The following TPST1 variants were observed in gnomAD, a reference collection of about 807,000 sequenced individuals.
TPST1 encodes the protein protein-tyrosine sulfotransferase 1.
TPST1 carries 20 observed loss-of-function variants against 34.8 expected under a neutral mutation model. The observed-to-expected ratio is 0.57, with a 90% CI of 0.40 to 0.84. The LOEUF (loss-of-function observed/expected upper bound fraction) is 0.84. Ranked by LOEUF, TPST1 falls within the 40% of genes least tolerant of loss-of-function variation. The pLI is 0.00. For missense variants in TPST1, 353 were observed against 455.5 expected (o/e 0.78, Z 2.05); for synonymous variants, 152 against 159.4 (o/e 0.95, Z 0.35).
chr7:66,314,272 T>A (rs910906606), intron 3 of TPST1, among the ~76,000 whole-genome samples: 1 of 152,226 alleles, frequency 6.6e-6, no homozygotes, highest in African/African-American at 2.4e-5. Context: ...CTGTGGCTCA[T>A]GCCTATGATC....
At chr7:66,233,063 A>G (rs1473317616) in intron 1 of TPST1, among the ~76,000 whole-genome samples, 2 of 151,762 alleles carry the variant, frequency 1.3e-5, no homozygotes, top group Non-Finnish European at 2.9e-5. Flanking sequence ...TTATCTTTTT[A>G]TTGTTGAATT....
rs1476111042 is a variant in TPST1, at chr7:66,205,537, G to A, written c.-102+15G>A. The A allele has an allele frequency of 5.9e-5, 9 of 152,528 alleles. No individual in the cohort carries two copies. The highest frequency in any genetic ancestry group is 1.5e-5 in the Non-Finnish European group (1 of 68,324). 9.4% of individuals were successfully genotyped at this position (152,528 alleles called of 1,614,324 possible). ...ACTCATCCCAGGTAAGGGGGACGCG[G>A]CGCTCGCTGCGGCTCCGCTCCCCTC... On this transcript the variant is annotated intron_variant, in intron 1 of 5. Transcript: ENST00000304842. This position sits in a 1 kb window ranked among gnomAD's most constrained non-coding sequence, Gnocchi z 5.0.
At chr7:66,349,852 G>T (rs1235477806) in intron 3 of TPST1, among the ~76,000 whole-genome samples, 1 of 152,138 alleles carries the variant, frequency 6.6e-6, no homozygotes, top group Non-Finnish European at 1.5e-5. Flanking sequence ...AAACATTCTA[G>T]TAGCTTCAGC....
At chr7:66,356,745 CT>C in intron 4 of TPST1, 79 bp from the exon 5 acceptor site, 1 of 1,559,242 alleles carries the variant, frequency 6.4e-7, no homozygotes, top group Non-Finnish European at 8.8e-7. Context: ...CGGGCCACCC[CT>C]CATGTTTCAG....
Position 66,359,902 on chromosome 7 carries a change from T to G in TPST1, c.*37T>G. 1 of 456,688 alleles carries G rather than the reference T, an allele frequency of 2.2e-6. No homozygotes were observed. The highest frequency in any genetic ancestry group is 4.4e-6 in the Non-Finnish European group (1 of 226,960). 28.3% of individuals were successfully genotyped at this position (456,688 alleles called of 1,614,324 possible). On this transcript the variant is annotated 3_prime_UTR_variant, in exon 6 of 6. Transcript: ENST00000304842. ...TCTGTTTGTTCGCCCTAGGAAAGAT[T>G]GCTGCCTTTTCAGCAGAAGGGAAAT...
At chr7:66,265,836 G>A (rs763760590) in intron 2 of TPST1, among the ~76,000 whole-genome samples, 9 of 152,142 alleles carry the variant, frequency 5.9e-5, no homozygotes, top group Non-Finnish European at 8.8e-5. Flanking sequence ...GAAGGCAATG[G>A]GTTGATGTAC....
intron 3 of TPST1, among the ~76,000 whole-genome samples, chr7:66,327,671 C>T (rs867244025): frequency 4.6e-4 from 70 of 150,592 alleles, no homozygotes; most frequent in African/African-American, 9.5e-4. Context: ...TGCAGTGAGC[C>T]GTGATTGTGC....
intron 3 of TPST1, among the ~76,000 whole-genome samples, chr7:66,319,578 T>C (rs1379787813): frequency 6.6e-6 from 1 of 152,228 alleles, no homozygotes; most frequent in East Asian, 1.9e-4. Flanking sequence ...TCAAAGTAGC[T>C]GAATTTGATA....
chr7:66,245,920 G>A (rs146310574), intron 2 of TPST1, among the ~76,000 whole-genome samples: 2 of 152,198 alleles, frequency 1.3e-5, no homozygotes, highest in Non-Finnish European at 2.9e-5. Context: ...TTTTCATGAA[G>A]CTATCAGAGA....
intron 1 of TPST1, among the ~76,000 whole-genome samples, chr7:66,206,165 C>T (rs1239836399): frequency 6.8e-6 from 1 of 147,414 alleles, no homozygotes; most frequent in Non-Finnish European, 1.5e-5. Context: ...CTCTATGTTG[C>T]CCAGGCTGGC....
In TPST1 at chr7:66,282,695, G is replaced by C. The variant is rs867006142; in HGVS notation, c.846-3816G>C. Reference sequence around the variant, plus strand: ...TGGAAAGAGGGAAAAGTGAAGCCCAGAGAGCTGATGCGGGACTAAGAGGCA... The same window carrying C: ...TGGAAAGAGGGAAAAGTGAAGCCCACAGAGCTGATGCGGGACTAAGAGGCA... On this transcript the variant is annotated intron_variant, in intron 2 of 5. Transcript: ENST00000304842. Among the ~76,000 whole-genome samples, 6 of 152,210 alleles carry C rather than the reference G, an allele frequency of 3.9e-5. No homozygotes were observed. In the South Asian group the frequency reaches 1.2e-3, roughly 31 times the overall value.
chr7:66,300,125 G>A (rs1320525114), intron 3 of TPST1, among the ~76,000 whole-genome samples: 2 of 152,168 alleles, frequency 1.3e-5, no homozygotes, highest in South Asian at 2.1e-4. Context: ...CATTTTGCTG[G>A]TGGAGACTCT....
At chr7:66,336,627 C>T (rs10272408) in intron 3 of TPST1, among the ~76,000 whole-genome samples, 5,990 of 152,120 alleles carry the variant, frequency 0.039, 386 homozygotes, top group African/African-American at 0.14. Context: ...AGCAGACTAA[C>T]CTCTGCATAA....
Position 66,360,227 on chromosome 7 carries a change from T to C in TPST1, c.*362T>C, listed in dbSNP as rs2116423444. On this transcript the variant is annotated 3_prime_UTR_variant, in exon 6 of 6. Coordinates refer to ENST00000304842, the MANE Select transcript of TPST1 (RefSeq NM_003596.4). ...AAAAATGGGATCCTGTAAGCAGACTTGGGCAGTCTCCTTTTGAAATAGGTT... is the reference window on the plus strand; with the variant it reads ...AAAAATGGGATCCTGTAAGCAGACTCGGGCAGTCTCCTTTTGAAATAGGTT... 3.5e-6 allele frequency: 1 copy of C among 284,692 alleles called. No homozygotes were observed. The highest frequency in any genetic ancestry group is 4.5e-5 in the Admixed American group (1 of 22,058). The allele number at this position is 284,692 out of a possible 1,614,324, so 17.6% of individuals were successfully genotyped here.
chr7:66,344,607 T>G (rs553769914), intron 3 of TPST1, among the ~76,000 whole-genome samples: 46 of 151,316 alleles, frequency 3.0e-4, no homozygotes, highest in Middle Eastern at 3.5e-3. Context: ...GAGATGGGGT[T>G]TCACCATCTT....
intron 3 of TPST1, among the ~76,000 whole-genome samples, chr7:66,343,751 T>C (rs1792286582): frequency 6.6e-6 from 1 of 152,150 alleles, no homozygotes; most frequent in South Asian, 2.1e-4. Context: ...AAAATCAAAG[T>C]TGCATGAGGC....
At chr7:66,299,038 A>T (rs1194485531) in intron 3 of TPST1, among the ~76,000 whole-genome samples, 1 of 151,978 alleles carries the variant, frequency 6.6e-6, no homozygotes, top group Non-Finnish European at 1.5e-5. Context: ...AGGCAGGAGA[A>T]TGGCATGAAC....
chr7:66,284,980 A>G (rs866162638), intron 2 of TPST1, among the ~76,000 whole-genome samples: 1 of 152,030 alleles, frequency 6.6e-6, no homozygotes, highest in Non-Finnish European at 1.5e-5. Context: ...TATTCTTCCC[A>G]TAGTTATCAG....
At chr7:66,225,431 G>A (rs927046458) in intron 1 of TPST1, among the ~76,000 whole-genome samples, 2 of 151,664 alleles carry the variant, frequency 1.3e-5, no homozygotes, top group African/African-American at 4.8e-5. Context: ...GGGCAACATG[G>A]TGAAACCTCA....
Sources: gnomAD v4.1 joint callset for allele counts (sites outside exome capture counted in the v4.1 genomes callset) on GRCh38, gnomAD v4.1.1 for gene constraint, Gnocchi (gnomAD v3.1) non-coding constraint, MANE v1.5 for transcripts, NCBI Gene and HGNC (gene_info 2026-07-23, HGNC 2026-07-21) for gene names.